The following LOC128125817 variants were observed in gnomAD, a reference collection of about 807,000 sequenced individuals.
At chr1:41,594,714 T>A in the LOC128125817 span, among the ~76,000 whole-genome samples, 1 of 151,842 alleles carries the variant, frequency 6.6e-6, no homozygotes, top group African/African-American at 2.4e-5. Context: ...CTGTACAGAA[T>A]TTTTTTTTGT....
chr1:41,623,440 A>G, the LOC128125817 span, among the ~76,000 whole-genome samples: 1 of 152,264 alleles, frequency 6.6e-6, no homozygotes, highest in African/African-American at 2.4e-5. Flanking sequence ...GGGCTATGTA[A>G]ATAAGAAAAA....
At chr1:41,608,879 C>A in the LOC128125817 span, among the ~76,000 whole-genome samples, 1 of 149,494 alleles carries the variant, frequency 6.7e-6, no homozygotes, top group Non-Finnish European at 1.5e-5. Context: ...TGGGACCAGC[C>A]TGACCACATG....
chr1:41,610,958 G>A, the LOC128125817 span, among the ~76,000 whole-genome samples: 89,870 of 151,956 alleles, frequency 0.59, 26,880 homozygotes, highest in East Asian at 0.88. Context: ...GTATGATTTC[G>A]TGGGGCTGCA....
chr1:41,605,553 G>A, the LOC128125817 span, among the ~76,000 whole-genome samples: 2 of 151,848 alleles, frequency 1.3e-5, no homozygotes, highest in Non-Finnish European at 2.9e-5. Flanking sequence ...AGAGAAAAAA[G>A]AACCAAAAAG....
the LOC128125817 span, among the ~76,000 whole-genome samples, chr1:41,626,251 G>A: frequency 6.0e-4 from 91 of 152,320 alleles, no homozygotes; most frequent in Non-Finnish European, 1.2e-3. Context: ...ATATATCCCA[G>A]CTCCTCCCTG....
At chr1:41,616,596 T>G in the LOC128125817 span, among the ~76,000 whole-genome samples, 1 of 141,944 alleles carries the variant, frequency 7.0e-6, no homozygotes, top group Non-Finnish European at 1.5e-5. Flanking sequence ...AAACAGGGTA[T>G]AGGAAGTGGG....
At chr1:41,595,536 TG>T in the LOC128125817 span, among the ~76,000 whole-genome samples, 1 of 152,082 alleles carries the variant, frequency 6.6e-6, no homozygotes, top group Non-Finnish European at 1.5e-5. Flanking sequence ...TTTTGAACTA[TG>T]GGAAGATGTT....
the LOC128125817 span, among the ~76,000 whole-genome samples, chr1:41,620,663 A>T: frequency 1.3e-5 from 2 of 152,014 alleles, no homozygotes; most frequent in East Asian, 3.9e-4. Flanking sequence ...TCTCACATTC[A>T]ATATGCTTAG....
chr1:41,588,318 G>A, the LOC128125817 span, among the ~76,000 whole-genome samples: 1 of 152,158 alleles, frequency 6.6e-6, no homozygotes, highest in Non-Finnish European at 1.5e-5. Context: ...ACCAGCTAGT[G>A]GTAAGCTTTG....
the LOC128125817 span, among the ~76,000 whole-genome samples, chr1:41,616,377 A>C: frequency 6.6e-6 from 1 of 152,270 alleles, no homozygotes; most frequent in Admixed American, 6.5e-5. Flanking sequence ...TTTTGCAAAC[A>C]GCAGACTATC....
chr1:41,595,923 T>C, the LOC128125817 span, among the ~76,000 whole-genome samples: 1 of 152,218 alleles, frequency 6.6e-6, no homozygotes, highest in East Asian at 1.9e-4. Context: ...TGTGATTGTG[T>C]GAGTCAATAC....
the LOC128125817 span, among the ~76,000 whole-genome samples, chr1:41,614,059 G>A: frequency 3.9e-5 from 6 of 152,194 alleles, no homozygotes; most frequent in African/African-American, 1.4e-4. Context: ...GGAGCTGGCC[G>A]CTCTGAGCCA....
chr1:41,595,968 C>G, the LOC128125817 span, among the ~76,000 whole-genome samples: 1 of 152,094 alleles, frequency 6.6e-6, no homozygotes, highest in Non-Finnish European at 1.5e-5. Flanking sequence ...ATACATCTAT[C>G]CTAGTAGTTC....
chr1:41,591,884 C>T, the LOC128125817 span, among the ~76,000 whole-genome samples: 1,965 of 152,152 alleles, frequency 0.013, 49 homozygotes, highest in African/African-American at 0.045. Flanking sequence ...GAGGCATGAC[C>T]GACCCAACGA....
the LOC128125817 span, among the ~76,000 whole-genome samples, chr1:41,615,095 T>C: frequency 6.6e-6 from 1 of 152,234 alleles, no homozygotes; most frequent in African/African-American, 2.4e-5. Flanking sequence ...TTCTCAGAAA[T>C]AATGCCATCG....
At chr1:41,589,068 A>G in the LOC128125817 span, among the ~76,000 whole-genome samples, 3,554 of 152,276 alleles carry the variant, frequency 0.023, 140 homozygotes, top group African/African-American at 0.082. Context: ...GTTCTTTTCT[A>G]CCTTCTGTGG....
the LOC128125817 span, among the ~76,000 whole-genome samples, chr1:41,594,385 G>C: frequency 4.6e-5 from 7 of 152,160 alleles, no homozygotes; most frequent in African/African-American, 1.7e-4. Context: ...ACCACACCCA[G>C]ATAATTTTCG....
chr1:41,619,421 T>A, the LOC128125817 span, among the ~76,000 whole-genome samples: 3 of 152,240 alleles, frequency 2.0e-5, no homozygotes, highest in Admixed American at 2.0e-4. Context: ...GTTTTTAAGA[T>A]CTCACAAAAT....
At chr1:41,608,086 G>A in the LOC128125817 span, among the ~76,000 whole-genome samples, 2 of 152,126 alleles carry the variant, frequency 1.3e-5, no homozygotes, top group African/African-American at 4.8e-5. Flanking sequence ...TACAGAAGAA[G>A]AGAAAAAAGA....
Sources: allele counts gnomAD v4.1 joint callset (sites outside exome capture counted in the v4.1 genomes callset), GRCh38; gene constraint gnomAD v4.1.1; transcripts MANE v1.5.